CCDC171: variants seen among roughly 807,000 people sequenced by gnomAD.
CCDC171 encodes the protein coiled-coil domain containing 171, also known as coiled-coil domain-containing protein 171.
CCDC171 carries 177 observed loss-of-function variants against 168.2 expected under a neutral mutation model. The observed-to-expected ratio is 1.05, with a 90% CI of 0.93 to 1.19. The LOEUF (loss-of-function observed/expected upper bound fraction) is 1.19. Among genes scored for constraint, CCDC171 ranks in the 50% most tolerant of loss-of-function variants. CCDC171 has a pLI of 0.00. For missense variants in CCDC171, 1,991 were observed against 1,539.0 expected, an observed-to-expected ratio of 1.29 and a Z score of -4.91; for synonymous variants, 687 against 540.8, an observed-to-expected ratio of 1.27 and a Z score of -3.75.
intron 6 of CCDC171, among the ~76,000 whole-genome samples, chr9:15,615,790 T>C (rs1192502937): frequency 4.6e-5 from 7 of 151,996 alleles, no homozygotes; most frequent in Admixed American, 4.6e-4. Flanking sequence ...TTTTTTTTTT[T>C]TTTCTTCAGA....
intron 6 of CCDC171, among the ~76,000 whole-genome samples, chr9:15,614,956 A>G (rs1425574577): frequency 6.6e-6 from 1 of 152,230 alleles, no homozygotes; most frequent in Admixed American, 6.5e-5. Flanking sequence ...TGTTTTACCA[A>G]TGAATAAAAA....
In CCDC171 at chr9:15,723,662, C is replaced by A; in HGVS notation, c.1426-19C>A. The A allele has an allele frequency of 6.3e-7, 1 of 1,576,146 alleles. No homozygotes were observed. Among genetic ancestry groups the A allele is most frequent in the Non-Finnish European group, 8.6e-7 (1 of 1,156,562 alleles). ...CTTATATTTTCTTTCATCAGCTAAA[C>A]AGCATGAATGATGTTAAGGAAAAGG... On this transcript the variant is annotated intron_variant, in intron 12 of 25. Coordinates refer to ENST00000380701, the MANE Select transcript of CCDC171 (RefSeq NM_173550.4).
At chr9:15,876,904 G>A (rs1817919158) in intron 24 of CCDC171, among the ~76,000 whole-genome samples, 1 of 152,098 alleles carries the variant, frequency 6.6e-6, no homozygotes, top group East Asian at 1.9e-4. Context: ...AGCAGGGTGT[G>A]GTGGTATATG....
rs528640082 is a variant in CCDC171, at chr9:15,595,393, G to C, written c.675+1221G>C. Among the ~76,000 whole-genome samples the C allele has an allele frequency of 5.9e-5, 9 of 152,186 alleles. No individual in the cohort carries two copies. The South Asian group carries it at 1.7e-3, about 28-fold the overall frequency. ...AATTCCCACCTATGAGTGAGAACAT[G>C]TGGTGTTTGGTTTTTTCTCCTTGCG... On this transcript the variant is annotated intron_variant, in intron 6 of 25. Transcript: ENST00000380701.
chr9:15,644,694 G>C lies in CCDC171; in HGVS notation c.823-12433G>C, dbSNP rs550681498. Among the ~76,000 whole-genome samples the C allele has an allele frequency of 1.6e-3, 250 of 152,362 alleles. 4 individuals are homozygous for C. Among genetic ancestry groups the C allele is most frequent in the Non-Finnish European group, 5.7e-4 (39 of 68,034 alleles). On this transcript the variant is annotated intron_variant, in intron 7 of 25. Coordinates refer to ENST00000380701, the MANE Select transcript of CCDC171 (RefSeq NM_173550.4). ...CTGCAAGGCAGCAGCGAGGCTGGGG[G>C]AGGAGCGCCCACCATTGATGAGGCT...
chr9:15,857,048 A>C (rs867287086), intron 23 of CCDC171, among the ~76,000 whole-genome samples: 1 of 152,130 alleles, frequency 6.6e-6, no homozygotes, highest in Middle Eastern at 3.4e-3. Context: ...CCCATTTTAA[A>C]ATGAGGTTAT....
chr9:15,590,777 CTTTCTTTCTTTCTTTCTT>C (rs2041929810), intron 4 of CCDC171, among the ~76,000 whole-genome samples: 1 of 104,218 alleles, frequency 9.6e-6, no homozygotes, highest in African/African-American at 3.6e-5. Context: ...CTTTCTCTTT[CTTTCTTTCTTTCTTTCTT>C]TCTTTCTTTC....
intron 10 of CCDC171, among the ~76,000 whole-genome samples, chr9:15,689,844 T>C (rs961000667): frequency 2.0e-5 from 3 of 152,236 alleles, no homozygotes; most frequent in African/African-American, 7.2e-5. Context: ...ACTAGCATAA[T>C]GATTTACATG....
intron 16 of CCDC171, among the ~76,000 whole-genome samples, chr9:15,739,762 A>G (rs894044555): frequency 2.7e-5 from 4 of 148,300 alleles, no homozygotes; most frequent in Non-Finnish European, 6.0e-5. Context: ...TTTTGATACC[A>G]AGTCTCACTC....
chr9:15,904,794 A>T (rs2131697059), intron 24 of CCDC171, among the ~76,000 whole-genome samples: 1 of 152,092 alleles, frequency 6.6e-6, no homozygotes, highest in East Asian at 1.9e-4. Flanking sequence ...GTGCAGAGAC[A>T]CACATAGGCT....
intron 4 of CCDC171, among the ~76,000 whole-genome samples, chr9:15,590,771 C>CTTTCTCTT (rs1287033772): frequency 2.5e-4 from 31 of 122,520 alleles, no homozygotes; most frequent in Non-Finnish European, 5.2e-4. Context: ...TTCTTTCTTT[C>CTTTCTCTT]TCTTTCTTTC....
At chr9:16,062,111 G>A (rs911596953), downstream of CCDC171, among the ~76,000 whole-genome samples, 8 of 152,178 alleles carry the variant, frequency 5.3e-5, 1 homozygote, top group African/African-American at 1.9e-4. Context: ...GAGAACCTGT[G>A]TTGATGACCA....
chr9:15,900,260 G>C (rs1333220261), intron 24 of CCDC171, among the ~76,000 whole-genome samples: 1 of 152,180 alleles, frequency 6.6e-6, no homozygotes, highest in Non-Finnish European at 1.5e-5. Flanking sequence ...TCTGAGAGAT[G>C]TTCTTCTGAG....
intron 1 of CCDC171, among the ~76,000 whole-genome samples, chr9:16,055,580 G>A (rs1038308870): frequency 6.6e-6 from 1 of 152,246 alleles, no homozygotes; most frequent in Admixed American, 6.5e-5. Context: ...ATAGTATATT[G>A]CAGGAAGAAG....
At chr9:15,765,037 G>A (rs796737425) in intron 18 of CCDC171, among the ~76,000 whole-genome samples, 6 of 152,288 alleles carry the variant, frequency 3.9e-5, no homozygotes, top group African/African-American at 1.2e-4. Flanking sequence ...GCCAAATAAA[G>A]TGTTTTACAA....
Position 15,695,114 on chromosome 9 carries a change from T to A in CCDC171, c.1216-121T>A, listed in dbSNP as rs1464889867. ...ATGATTAAGAGAGAAAGATGGTTTA[T>A]TAATAATATATTTGAATGGAATCAT... is the stretch of plus-strand genomic sequence containing the variant. On this transcript the variant is annotated intron_variant, in intron 10 of 25. Transcript: ENST00000380701. 7 of 657,618 alleles carry A rather than the reference T, an allele frequency of 1.1e-5. No homozygotes were observed. In the African/African-American group the frequency reaches 1.1e-4, roughly 10 times the overall value. 40.7% of individuals were successfully genotyped at this position (657,618 alleles called of 1,614,324 possible).
At chr9:15,871,840 A>T (rs1035675799) in intron 23 of CCDC171, among the ~76,000 whole-genome samples, 1 of 151,446 alleles carries the variant, frequency 6.6e-6, no homozygotes, top group East Asian at 1.9e-4. Flanking sequence ...CCTTTGCTGC[A>T]TGATTTTATT....
At chr9:16,067,171 G>A in the CCDC171 span, among the ~76,000 whole-genome samples, 23 of 152,062 alleles carry the variant, frequency 1.5e-4, no homozygotes, top group Non-Finnish European at 1.5e-4. Flanking sequence ...GTGTGAGATG[G>A]TATCTCATTG....
intron 3 of CCDC171, among the ~76,000 whole-genome samples, chr9:16,011,795 A>C (rs1192192051): frequency 1.3e-5 from 2 of 152,210 alleles, no homozygotes; most frequent in African/African-American, 4.8e-5. Flanking sequence ...ATAAACAGGA[A>C]ATGACAATAG....
Sources: allele counts gnomAD v4.1 joint callset (sites outside exome capture counted in the v4.1 genomes callset), GRCh38; gene constraint gnomAD v4.1.1; transcripts MANE v1.5; gene names NCBI Gene and HGNC (gene_info 2026-07-23, HGNC 2026-07-21).